CCDC88C: variants seen among roughly 807,000 people sequenced by gnomAD.
The protein encoded by CCDC88C is coiled-coil and HOOK domain protein 88C, also known as protein Daple.
CCDC88C carries 131 observed loss-of-function variants against 198.8 expected under a neutral mutation model. The observed-to-expected ratio is 0.66, with a 90% CI of 0.57 to 0.76. The LOEUF (loss-of-function observed/expected upper bound fraction) is 0.76. Ranked by LOEUF, CCDC88C falls within the 30% of genes least tolerant of loss-of-function variation. The pLI is 0.00. For missense variants in CCDC88C, 2,553 were observed against 2,631.6 expected (o/e 0.97, Z 0.65); for synonymous variants, 1,166 against 1,114.7 (o/e 1.05, Z -0.92).
At chr14:91,384,091 G>A (rs1242778678) in intron 3 of CCDC88C, among the ~76,000 whole-genome samples, 2 of 152,112 alleles carry the variant, frequency 1.3e-5, no homozygotes, top group Non-Finnish European at 2.9e-5. Flanking sequence ...CAATTAGACC[G>A]AGGTGCAAAA....
intron 3 of CCDC88C, among the ~76,000 whole-genome samples, chr14:91,375,272 T>C (rs564481340): frequency 1.6e-4 from 25 of 152,122 alleles, no homozygotes; most frequent in African/African-American, 5.1e-4. Context: ...TGTGTGTGTG[T>C]GCGCGCGCGC....
intron 3 of CCDC88C, among the ~76,000 whole-genome samples, chr14:91,407,567 G>A (rs1567127329): frequency 6.6e-6 from 1 of 152,192 alleles, no homozygotes; most frequent in Non-Finnish European, 1.5e-5. Context: ...AGATGCCCTG[G>A]AGGCCGAGGA....
At chr14:91,370,175 A>G (rs114620450) in intron 3 of CCDC88C, among the ~76,000 whole-genome samples, 1,533 of 152,262 alleles carry the variant, frequency 0.01, 32 homozygotes, top group African/African-American at 0.034. Context: ...CAGGCAAGTC[A>G]CAGTCCCTCT....
At chr14:91,389,577 T>C (rs1367993106) in intron 3 of CCDC88C, among the ~76,000 whole-genome samples, 5 of 152,054 alleles carry the variant, frequency 3.3e-5, no homozygotes, top group Admixed American at 6.5e-5. Flanking sequence ...CTATGCTGAC[T>C]CCAAGTGAAA....
chr14:91,329,525 C>G (rs1464043140), intron 10 of CCDC88C, among the ~76,000 whole-genome samples: 1 of 152,222 alleles, frequency 6.6e-6, no homozygotes, highest in African/African-American at 2.4e-5. Context: ...CCCACACCCC[C>G]TTTATTTCTT....
chr14:91,298,367 C>T (rs1891111210), intron 21 of CCDC88C, among the ~76,000 whole-genome samples: 2 of 151,476 alleles, frequency 1.3e-5, no homozygotes, highest in Non-Finnish European at 2.9e-5. Context: ...AGCAAGACTC[C>T]GTCTCAAAAA....
chr14:91,355,209 A>G (rs1238916091), intron 4 of CCDC88C, among the ~76,000 whole-genome samples: 2 of 151,988 alleles, frequency 1.3e-5, no homozygotes, highest in Non-Finnish European at 1.5e-5. Flanking sequence ...TGCAGAGGAG[A>G]GCTCGGCTTC....
intron 15 of CCDC88C, among the ~76,000 whole-genome samples, chr14:91,310,902 G>A (rs1324697680): frequency 6.6e-6 from 1 of 152,156 alleles, no homozygotes; most frequent in African/African-American, 2.4e-5. Context: ...CAGAGACAGT[G>A]ATGCTCATTA....
chr14:91,338,121 G>A lies in CCDC88C; in HGVS notation c.934C>T (p.Arg312Ter), dbSNP rs369384363. The A allele has an allele frequency of 9.9e-6, 16 of 1,613,780 alleles. No homozygotes were observed. The highest frequency in any genetic ancestry group is 5.9e-6 in the Non-Finnish European group (7 of 1,179,892). The change falls in exon 10 of 30, where the codon CGA (arginine) becomes TGA (stop). Residue 312 changes from arginine to a stop codon, truncating the protein, a stop_gained. Transcript: ENST00000389857. LOFTEE classifies it high-confidence loss of function. The surrounding 1 kb of genome is among the most constrained non-coding windows in gnomAD (Gnocchi z 4.8). ...TCCCGCAGGGAATCCAGCTCGTCTC[G>A]ATAGGCACGAGCAGACCGGGCGTCT... Reference protein sequence around the residue: ...AADARSARAYRDELDSLREKA... With the variant: ...AADARSARAY
At position 91,313,367 on chromosome 14, in the gene CCDC88C, C is replaced by T. The variant is rs761905012; in HGVS notation, c.2449G>A (p.Glu817Lys). The T allele has an allele frequency of 1.2e-5, 19 of 1,610,558 alleles. No individual in the cohort carries two copies. The highest frequency in any genetic ancestry group is 1.6e-4 in the Middle Eastern group (1 of 6,084). ...TGCTCCAGGGCCTTCCTGTCCTTCT[C>T]GGCCCCCTCCAACTGTGCATTGGCC... is the stretch of plus-strand genomic sequence containing the variant. ...RLANAQLEGA[E>K]KDRKALEQEV... Residue 817 changes from glutamate to lysine, a missense_variant, in exon 15 of 30, where the codon GAG becomes AAG. By Grantham distance (56) the Glu-to-Lys change is moderately conservative (BLOSUM62 1). Coordinates refer to ENST00000389857, the MANE Select transcript of CCDC88C (RefSeq NM_001080414.4). This position sits in a 1 kb window ranked among gnomAD's most constrained non-coding sequence, Gnocchi z 5.2.
At chr14:91,330,577 G>A (rs1008899358) in intron 10 of CCDC88C, among the ~76,000 whole-genome samples, 3 of 152,202 alleles carry the variant, frequency 2.0e-5, no homozygotes, top group Middle Eastern at 3.2e-3. Flanking sequence ...GACATGCTGG[G>A]AGGTGAGAAA....
intron 3 of CCDC88C, among the ~76,000 whole-genome samples, chr14:91,377,930 T>A (rs561965796): frequency 7.2e-5 from 11 of 152,328 alleles, no homozygotes; most frequent in South Asian, 6.2e-4. Flanking sequence ...CACACGACGC[T>A]GCTCCATACA....
intron 3 of CCDC88C, among the ~76,000 whole-genome samples, chr14:91,364,793 G>A (rs1007304969): frequency 4.6e-5 from 7 of 152,204 alleles, no homozygotes; most frequent in African/African-American, 1.4e-4. Flanking sequence ...CTCAAGGCCT[G>A]TAGCGGTGGC....
At chr14:91,379,797 A>C (rs1884670160) in intron 3 of CCDC88C, 2 of 702,626 alleles carry the variant, frequency 2.8e-6, no homozygotes, top group Admixed American at 2.0e-5. Context: ...TTCACTGTCC[A>C]CTTCCACTGG....
chr14:91,352,306 G>C lies in CCDC88C; in HGVS notation c.340+7336C>G, dbSNP rs1024102801. 3.3e-5 allele frequency among the ~76,000 whole-genome samples: 5 copies of C among 152,296 alleles called. No homozygotes were observed. The highest frequency in any genetic ancestry group is 7.3e-5 in the Non-Finnish European group (5 of 68,028). ...GATCCGCGGGTGCTTGGAGGCCGGCGTGTGGGCCGCACTGTGACGCTCGGC... is the reference window on the plus strand; with the variant it reads ...GATCCGCGGGTGCTTGGAGGCCGGCCTGTGGGCCGCACTGTGACGCTCGGC... On this transcript the variant is annotated intron_variant, in intron 4 of 29. Coordinates refer to ENST00000389857, the MANE Select transcript of CCDC88C (RefSeq NM_001080414.4). The surrounding 1 kb of genome is among the most constrained non-coding windows in gnomAD (Gnocchi z 4.2).
Position 91,273,205 on chromosome 14 carries a change from CCTAAGGCCTCA to C in CCDC88C, c.5496_5506del (p.Glu1833GlyfsTer19), listed in dbSNP as rs1287488544. 6.4e-7 allele frequency: 1 copy of C among 1,570,048 alleles called. No individual in the cohort carries two copies. Among genetic ancestry groups the C allele is most frequent in the Non-Finnish European group, 8.6e-7 (1 of 1,157,770 alleles). ...GGTGTGGCTGCCTGTCTCTCTGCCC[CCTAAGGCCTCA>C]GGAGCCCCCAGCTTCTGAGGGGACT... On this transcript the variant is annotated frameshift_variant, in exon 30 of 30. Coordinates refer to ENST00000389857, the MANE Select transcript of CCDC88C (RefSeq NM_001080414.4). LOFTEE classifies it low-confidence loss of function (END_TRUNC). This position sits in a 1 kb window ranked among gnomAD's most constrained non-coding sequence, Gnocchi z 5.6.
At chr14:91,309,319 G>A (rs1011737042) in intron 16 of CCDC88C, among the ~76,000 whole-genome samples, 9 of 152,102 alleles carry the variant, frequency 5.9e-5, no homozygotes, top group East Asian at 5.8e-4. Context: ...ATTAAGAAGC[G>A]TGGCTGGGAG....
rs529196222 is a variant in CCDC88C, at chr14:91,351,295, A to C, written c.341-7638T>G. 7.2e-5 allele frequency among the ~76,000 whole-genome samples: 11 copies of C among 152,292 alleles called. No homozygotes were observed. In the East Asian group the frequency reaches 1.7e-3, roughly 24 times the overall value. ...ATAAGGATGCTCACGAGGCTGTCAC[A>C]GTGATTTGAAAACAGCAGTGCACTG... On this transcript the variant is annotated intron_variant, in intron 4 of 29. Transcript: ENST00000389857.
intron 3 of CCDC88C, among the ~76,000 whole-genome samples, chr14:91,365,168 T>TCCTTCAC (rs1894476396): frequency 6.7e-6 from 1 of 149,494 alleles, no homozygotes; most frequent in Admixed American, 6.6e-5. Context: ...CTCCTCCAAC[T>TCCTTCAC]CCCTCACCCC....
Sources: allele counts gnomAD v4.1 joint callset (sites outside exome capture counted in the v4.1 genomes callset), GRCh38; gene constraint gnomAD v4.1.1; non-coding constraint Gnocchi (gnomAD v3.1); transcripts MANE v1.5; gene names NCBI Gene and HGNC (gene_info 2026-07-23, HGNC 2026-07-21).